Variants in TTC13 observed in about 807,000 individuals in gnomAD.
The protein encoded by TTC13 is tetratricopeptide repeat protein 13.
In TTC13, 62 loss-of-function variants were observed where a neutral mutation model predicts 120.0. The ratio of observed to expected loss-of-function variants is 0.52; its 90% CI spans 0.42 to 0.64. TTC13 has a LOEUF of 0.64. Ranked by LOEUF, TTC13 falls within the 30% of genes least tolerant of loss-of-function variation. TTC13 has a pLI of 0.00. For missense variants in TTC13, 824 were observed against 1,050.2 expected, an observed-to-expected ratio of 0.78 and a Z score of 2.98; for synonymous variants, 384 against 393.5, an observed-to-expected ratio of 0.98 and a Z score of 0.28.
chr1:230,943,466 G>A (rs1674702111), intron 6 of TTC13, among the ~76,000 whole-genome samples: 1 of 151,148 alleles, frequency 6.6e-6, no homozygotes, highest in Admixed American at 6.6e-5. Flanking sequence ...TTTGTGTGTT[G>A]TATTTTTCTG....
At chr1:230,946,878 G>A (rs1675052205) in intron 4 of TTC13, among the ~76,000 whole-genome samples, 1 of 152,018 alleles carries the variant, frequency 6.6e-6, no homozygotes, top group South Asian at 2.1e-4. Context: ...GAGGGGCGGG[G>A]AACAGTACAT....
chr1:230,919,476 T>C (rs970293185), intron 17 of TTC13, among the ~76,000 whole-genome samples: 1 of 152,224 alleles, frequency 6.6e-6, no homozygotes, highest in African/African-American at 2.4e-5. Context: ...CCTCCCAACA[T>C]ATGTGCACTG....
intron 15 of TTC13, among the ~76,000 whole-genome samples, chr1:230,922,447 C>G (rs1672665492): frequency 6.6e-6 from 1 of 152,194 alleles, no homozygotes; most frequent in South Asian, 2.1e-4. Flanking sequence ...AAATCTGTTC[C>G]TGTTACTTCT....
rs1318873439 is a variant in TTC13, at chr1:230,944,548, A to G, written c.580-650T>C. Among the ~76,000 whole-genome samples, 1 of 152,158 alleles carries G rather than the reference A, an allele frequency of 6.6e-6. No homozygotes were observed. Among genetic ancestry groups the G allele is most frequent in the East Asian group, 1.9e-4 (1 of 5,200 alleles). ...CTTCCTAAGCACTTCCATCATTCCCAATTCTAAATTCATTCTCAGTCCTCT... is the reference window on the plus strand; with the variant it reads ...CTTCCTAAGCACTTCCATCATTCCCGATTCTAAATTCATTCTCAGTCCTCT... On this transcript the variant is annotated intron_variant, in intron 5 of 22. Transcript: ENST00000366661. This position sits in a 1 kb window ranked among gnomAD's most constrained non-coding sequence, Gnocchi z 4.0.
intron 18 of TTC13, among the ~76,000 whole-genome samples, 162 bp from the exon 19 acceptor site, chr1:230,912,920 G>A (rs1671662466): frequency 6.6e-6 from 1 of 152,216 alleles, no homozygotes; most frequent in South Asian, 2.1e-4. Context: ...TAGGTTTCAT[G>A]AGAATGCATT....
At chr1:230,921,347 A>G (rs1672555050) in intron 16 of TTC13, 74 bp downstream of exon 16, 1 of 912,524 alleles carries the variant, frequency 1.1e-6, no homozygotes. Context: ...TTAGTTCTCA[A>G]GTTTCAAAAA....
At chr1:230,973,977 T>G (rs980987968) in intron 1 of TTC13, among the ~76,000 whole-genome samples, 1 of 150,940 alleles carries the variant, frequency 6.6e-6, no homozygotes, top group Non-Finnish European at 1.5e-5. Context: ...CTTGGGAGGC[T>G]GAGGCAGGAG....
intron 8 of TTC13, among the ~76,000 whole-genome samples, chr1:230,934,348 A>G (rs1572220901): frequency 1.3e-5 from 2 of 152,310 alleles, no homozygotes; most frequent in East Asian, 3.9e-4. Context: ...AGGCTCCTAG[A>G]TTCACCATCT....
At position 230,931,453 on chromosome 1, in the gene TTC13, G is replaced by A. The variant is rs201099425; in HGVS notation, c.1145C>T (p.Pro382Leu). The A allele has an allele frequency of 6.2e-7, 1 of 1,614,078 alleles. No homozygotes were observed. Among genetic ancestry groups the A allele is most frequent in the East Asian group, 2.2e-5 (1 of 44,882 alleles). ...KNFKRCLQLE[P>L]YNEVCQYMKG... ...CATATACTGGCACACTTCATTATAT[G>A]GCTCTAGCTGCAGACACCGCTGAGG... is the stretch of plus-strand genomic sequence containing the variant. The change falls in exon 11 of 23, where the codon CCA becomes CTA. Residue 382 changes from proline to leucine, a missense_variant. By Grantham distance (98) the Pro-to-Leu change is moderately conservative. Transcript: ENST00000366661.
chr1:230,958,464 A>G (rs1176951184), intron 2 of TTC13, among the ~76,000 whole-genome samples, 165 bp from the exon 3 acceptor site: 3 of 152,232 alleles, frequency 2.0e-5, no homozygotes, highest in Admixed American at 6.5e-5. Context: ...TATGGCTTTC[A>G]GTAGAACCTT....
chr1:230,970,293 C>T (rs1677598405), intron 1 of TTC13, among the ~76,000 whole-genome samples: 1 of 152,168 alleles, frequency 6.6e-6, no homozygotes, highest in African/African-American at 2.4e-5. Context: ...CATAGAAGGT[C>T]CAAGAGAGAG....
chr1:230,963,679 A>G (rs554364284), intron 1 of TTC13, among the ~76,000 whole-genome samples: 1 of 140,926 alleles, frequency 7.1e-6, no homozygotes, highest in East Asian at 1.9e-4. Context: ...AATAAAAGAA[A>G]AAAGAATGGA....
chr1:230,910,673 G>C (rs9431892), intron 20 of TTC13, among the ~76,000 whole-genome samples: 135 of 152,250 alleles, frequency 8.9e-4, no homozygotes, highest in Non-Finnish European at 1.7e-3. Context: ...GCCCACAAGC[G>C]GTGATGTGCA....
intron 3 of TTC13, among the ~76,000 whole-genome samples, chr1:230,955,723 AG>A (rs1676021308): frequency 6.6e-6 from 1 of 152,052 alleles, no homozygotes; most frequent in Admixed American, 6.6e-5. Context: ...AACGAAATGC[AG>A]GAAGAGTTTA....
chr1:230,921,454 T>A lies in TTC13; in HGVS notation c.1865A>T (p.His622Leu), dbSNP rs747312189. The change falls in exon 16 of 23, where the codon CAT becomes CTT. Residue 622 changes from histidine to leucine, a missense_variant. Transcript: ENST00000366661. ...AACAAGAATTCTGTCTTTAATAAAA[T>A]GAAGTATTTTCTCAAAATATTCTAG... is the stretch of plus-strand genomic sequence containing the variant. ...RYLEYFEKIL[H>L]FIKDRILVYH... The A allele has an allele frequency of 8.4e-6, 13 of 1,550,730 alleles. No homozygotes were observed. The highest frequency in any genetic ancestry group is 9.7e-6 in the Non-Finnish European group (11 of 1,139,714).
At position 230,940,062 on chromosome 1, in the gene TTC13, G is replaced by A. The variant is rs909608642; in HGVS notation, c.789+378C>T. The stretch of plus-strand genomic sequence containing the variant: ...TAGTTCAGGGTGTGTTTCTTGGGCT[G>A]TGAAACCCAAAGAAATTCAAATTGT... On this transcript the variant is annotated intron_variant, in intron 7 of 22. Coordinates refer to ENST00000366661, the MANE Select transcript of TTC13 (RefSeq NM_024525.5). The surrounding 1 kb of genome is among the most constrained non-coding windows in gnomAD (Gnocchi z 4.1). Among the ~76,000 whole-genome samples the A allele has an allele frequency of 2.0e-5, 3 of 152,188 alleles. No individual in the cohort carries two copies. Among genetic ancestry groups the A allele is most frequent in the Non-Finnish European group, 4.4e-5 (3 of 68,030 alleles).
chr1:230,969,855 T>C (rs1572299215), intron 1 of TTC13, among the ~76,000 whole-genome samples: 3 of 152,258 alleles, frequency 2.0e-5, no homozygotes, highest in Admixed American at 6.5e-5. Flanking sequence ...TAAATGTTAG[T>C]ATAGGCTTAT....
intron 17 of TTC13, among the ~76,000 whole-genome samples, chr1:230,918,457 G>A (rs2102773578): frequency 6.6e-6 from 1 of 152,286 alleles, no homozygotes; most frequent in Admixed American, 6.5e-5. Context: ...GAGATACACT[G>A]TGTGGACACT....
At chr1:230,949,802 T>C (rs796087606) in intron 4 of TTC13, among the ~76,000 whole-genome samples, 24 of 152,234 alleles carry the variant, frequency 1.6e-4, no homozygotes, top group Non-Finnish European at 2.2e-4. Flanking sequence ...CCAGCCACCA[T>C]GCCCAGCTAA....
Sources: allele counts gnomAD v4.1 joint callset (sites outside exome capture counted in the v4.1 genomes callset), GRCh38; gene constraint gnomAD v4.1.1; non-coding constraint Gnocchi (gnomAD v3.1); transcripts MANE v1.5; gene names NCBI Gene and HGNC (gene_info 2026-07-23, HGNC 2026-07-21).